TBXAS1: variants seen among roughly 807,000 people sequenced by gnomAD.
The protein encoded by TBXAS1 is thromboxane A synthase 1.
Under a neutral mutation model 60.7 loss-of-function variants are expected in TBXAS1, and 48 were observed. The observed-to-expected ratio is 0.79, with a 90% CI of 0.63 to 1.01. The LOEUF is 1.01. Ranked by LOEUF, TBXAS1 falls within the 50% of genes least tolerant of loss-of-function variation. The pLI, the probability that TBXAS1 is intolerant of heterozygous loss-of-function variation, is 0.00. For missense variants in TBXAS1, 685 were observed against 686.3 expected, an observed-to-expected ratio of 1.00 and a Z score of 0.02; for synonymous variants, 287 against 269.7, an observed-to-expected ratio of 1.06 and a Z score of -0.63.
At chr7:139,812,027 C>T (rs1798032551) in intron 4 of TBXAS1, among the ~76,000 whole-genome samples, 2 of 152,236 alleles carry the variant, frequency 1.3e-5, no homozygotes, top group Non-Finnish European at 2.9e-5. Context: ...CTCTGAAATG[C>T]TGGCCTTGGC....
At position 139,852,933 on chromosome 7, in the gene TBXAS1, AATACACACACACACACACAC is replaced by A. The variant is rs1250359335; in HGVS notation, c.90-19300_90-19281del. 1.2e-4 allele frequency among the ~76,000 whole-genome samples: 14 copies of A among 118,100 alleles called. No individual in the cohort carries two copies. The highest frequency in any genetic ancestry group is 1.9e-4 in the Non-Finnish European group (11 of 57,306). The allele number at this position is 118,100 out of a possible 152,430, so 77.5% of individuals were successfully genotyped here. On this transcript the variant is annotated intron_variant, in intron 1 of 12. Transcript: ENST00000448866. This position sits in a 1 kb window ranked among gnomAD's most constrained non-coding sequence, Gnocchi z 4.4. ...CCTGTGTACCAACCTTGGCTACTCC[AATACACACACACACACACAC>A]ACACACACACACACACACACACACA...
chr7:139,830,392 C>A (rs1030240448), intron 1 of TBXAS1, among the ~76,000 whole-genome samples: 8 of 152,256 alleles, frequency 5.3e-5, no homozygotes, highest in Middle Eastern at 3.4e-3. Flanking sequence ...AAGCATTATG[C>A]AAATGTGAGG....
chr7:139,798,644 T>A (rs1797633058), intron 4 of TBXAS1, among the ~76,000 whole-genome samples: 1 of 152,200 alleles, frequency 6.6e-6, no homozygotes, highest in Non-Finnish European at 1.5e-5. Context: ...ACCATGGTAG[T>A]TCTGTTTCAG....
intron 4 of TBXAS1, among the ~76,000 whole-genome samples, chr7:139,805,660 C>CTTTCTT (rs1457894833): frequency 2.7e-4 from 27 of 101,462 alleles, no homozygotes; most frequent in African/African-American, 1.0e-3. Flanking sequence ...CCTTCTTTTT[C>CTTTCTT]TCTTTCTTTC....
At chr7:139,984,043 G>C (rs1178929338) in intron 9 of TBXAS1, among the ~76,000 whole-genome samples, 1 of 152,176 alleles carries the variant, frequency 6.6e-6, no homozygotes, top group Non-Finnish European at 1.5e-5. Flanking sequence ...CCCCGACCCT[G>C]TGATGAAGTA....
chr7:139,849,655 A>G (rs997826859), intron 1 of TBXAS1, among the ~76,000 whole-genome samples: 2 of 151,942 alleles, frequency 1.3e-5, no homozygotes, highest in African/African-American at 2.4e-5. Flanking sequence ...GCATGAGCAC[A>G]CTCTAGGAAG....
At chr7:139,946,408 C>T (rs1031569612) in intron 5 of TBXAS1, among the ~76,000 whole-genome samples, 1 of 152,216 alleles carries the variant, frequency 6.6e-6, no homozygotes, top group Non-Finnish European at 1.5e-5. Flanking sequence ...GTGTCAGGCA[C>T]TATCAAAGTC....
intron 4 of TBXAS1, among the ~76,000 whole-genome samples, chr7:139,792,379 A>G (rs887747869): frequency 2.6e-5 from 4 of 152,184 alleles, no homozygotes; most frequent in African/African-American, 9.7e-5. Flanking sequence ...AGAGCCAGCC[A>G]GCTTCACCCA....
chr7:139,934,189 T>C (rs149884180), intron 4 of TBXAS1, among the ~76,000 whole-genome samples: 1,623 of 152,202 alleles, frequency 0.011, 19 homozygotes, highest in South Asian at 0.039. Flanking sequence ...GTCTTTTTTT[T>C]TTCTTTTGTT....
intron 3 of TBXAS1, among the ~76,000 whole-genome samples, chr7:139,884,006 C>T (rs1802891921): frequency 6.6e-6 from 1 of 152,198 alleles, no homozygotes; most frequent in Non-Finnish European, 1.5e-5. Context: ...AAGTCCTTTC[C>T]AGTTGTAAAC....
intron 4 of TBXAS1, among the ~76,000 whole-genome samples, chr7:139,917,075 G>A (rs943166129): frequency 9.2e-5 from 14 of 152,338 alleles, no homozygotes; most frequent in African/African-American, 3.4e-4. Flanking sequence ...ACCTAGGGAA[G>A]CTCTCATGGC....
chr7:140,011,545 G>C (rs781782477), intron 10 of TBXAS1, among the ~76,000 whole-genome samples: 13 of 152,328 alleles, frequency 8.5e-5, no homozygotes, highest in Non-Finnish European at 1.5e-4. Context: ...CTCTCTGGGA[G>C]AAGAAGCTAT....
At chr7:139,960,861 A>G (rs965688307) in intron 8 of TBXAS1, among the ~76,000 whole-genome samples, 1 of 152,206 alleles carries the variant, frequency 6.6e-6, no homozygotes, top group Non-Finnish European at 1.5e-5. Flanking sequence ...TGAAATTCTA[A>G]TATTTTTCTG....
At chr7:139,834,410 G>C (rs1213836196) in intron 1 of TBXAS1, among the ~76,000 whole-genome samples, 2 of 152,046 alleles carry the variant, frequency 1.3e-5, no homozygotes, top group Non-Finnish European at 2.9e-5. Flanking sequence ...AGGAACTAGA[G>C]AAATAGAAAC....
At chr7:139,844,769 C>T (rs1229398046) in intron 1 of TBXAS1, among the ~76,000 whole-genome samples, 1 of 152,180 alleles carries the variant, frequency 6.6e-6, no homozygotes, top group East Asian at 1.9e-4. Flanking sequence ...TTGGTAGCAT[C>T]ATCTCATGAT....
intron 1 of TBXAS1, among the ~76,000 whole-genome samples, chr7:139,855,082 T>A (rs1440732346): frequency 2.0e-5 from 3 of 152,114 alleles, no homozygotes; most frequent in African/African-American, 7.2e-5. Context: ...AAGAGGTGAC[T>A]GGGTCATGAG....
intron 3 of TBXAS1, among the ~76,000 whole-genome samples, chr7:139,876,045 C>T (rs1191284008): frequency 2.0e-5 from 3 of 152,198 alleles, no homozygotes; most frequent in African/African-American, 7.2e-5. Flanking sequence ...TACTCAGACT[C>T]GGGTCCTTCA....
chr7:139,990,058 A>G (rs1470570744), intron 9 of TBXAS1, among the ~76,000 whole-genome samples: 1 of 152,126 alleles, frequency 6.6e-6, no homozygotes, highest in Admixed American at 6.5e-5. Context: ...CTGTCTGTAA[A>G]ATAAAACTCA....
chr7:139,800,432 C>T (rs1569491674), intron 4 of TBXAS1, among the ~76,000 whole-genome samples: 2 of 152,164 alleles, frequency 1.3e-5, no homozygotes, highest in East Asian at 1.9e-4. Context: ...TTCCACCTCT[C>T]ATCTCCTAGG....
Sources: allele counts gnomAD v4.1 joint callset (sites outside exome capture counted in the v4.1 genomes callset), GRCh38; gene constraint gnomAD v4.1.1; non-coding constraint Gnocchi (gnomAD v3.1); transcripts MANE v1.5; gene names NCBI Gene and HGNC (gene_info 2026-07-23, HGNC 2026-07-21).